The following LDLRAD3 variants were observed in gnomAD, a reference collection of about 807,000 sequenced individuals.
LDLRAD3 encodes low-density lipoprotein receptor class A domain-containing protein 3.
Under a neutral mutation model 29.4 loss-of-function variants are expected in LDLRAD3, and 20 were observed. The ratio of observed to expected loss-of-function variants is 0.68; its 90% CI spans 0.48 to 0.99. The LOEUF (loss-of-function observed/expected upper bound fraction) is 0.99, where lower values mean the gene tolerates loss of function less well. Ranked by LOEUF, LDLRAD3 falls within the 50% of genes least tolerant of loss-of-function variation. The pLI is 0.00. For missense variants in LDLRAD3, 420 were observed against 454.3 expected (o/e 0.92, Z 0.69); for synonymous variants, 157 against 192.7 (o/e 0.81, Z 1.53).
intron 2 of LDLRAD3, among the ~76,000 whole-genome samples, chr11:36,072,396 T>C (rs1223950136): frequency 6.6e-6 from 1 of 152,166 alleles, no homozygotes; most frequent in African/African-American, 2.4e-5. Context: ...CATGCTGAAG[T>C]TTCCATCATC....
chr11:36,163,365 C>T (rs934717970), intron 4 of LDLRAD3: 3 of 152,378 alleles, frequency 2.0e-5, no homozygotes, highest in Non-Finnish European at 4.4e-5. Context: ...ACCCATTCTT[C>T]TTAATACACA....
chr11:36,208,800 A>AT (rs1855245408), intron 4 of LDLRAD3, among the ~76,000 whole-genome samples: 3 of 152,242 alleles, frequency 2.0e-5, no homozygotes, highest in Non-Finnish European at 4.4e-5. Flanking sequence ...CAACACAGTA[A>AT]TATTTGCTGC....
chr11:35,986,573 G>T (rs1026149098), intron 1 of LDLRAD3, among the ~76,000 whole-genome samples: 14 of 152,210 alleles, frequency 9.2e-5, no homozygotes, highest in Admixed American at 8.5e-4. Context: ...CCTGCAGATT[G>T]GATGGCAGTA....
At chr11:36,188,232 G>T (rs35122223) in intron 4 of LDLRAD3, among the ~76,000 whole-genome samples, 6,014 of 152,006 alleles carry the variant, frequency 0.04, 398 homozygotes, top group African/African-American at 0.13. Flanking sequence ...GGGAGTAAAT[G>T]ATATGACTAC....
intron 4 of LDLRAD3, among the ~76,000 whole-genome samples, chr11:36,132,245 G>C (rs1360356466): frequency 6.6e-6 from 1 of 152,068 alleles, no homozygotes; most frequent in African/African-American, 2.4e-5. Context: ...AATAAAGGAG[G>C]CTGCATTAAG....
intron 2 of LDLRAD3, among the ~76,000 whole-genome samples, chr11:36,073,753 A>C (rs1003153244): frequency 6.6e-6 from 1 of 152,250 alleles, no homozygotes; most frequent in Non-Finnish European, 1.5e-5. Flanking sequence ...AAAAGGGTGC[A>C]AGGGCAGGGC....
At chr11:36,117,211 G>T (rs987875412) in intron 4 of LDLRAD3, among the ~76,000 whole-genome samples, 7 of 152,086 alleles carry the variant, frequency 4.6e-5, no homozygotes, top group Admixed American at 4.6e-4. Context: ...GGAAGGAAAA[G>T]GAGGAAGGAG....
intron 4 of LDLRAD3, among the ~76,000 whole-genome samples, chr11:36,187,650 T>C (rs1854872189): frequency 6.6e-6 from 1 of 152,200 alleles, no homozygotes; most frequent in Non-Finnish European, 1.5e-5. Flanking sequence ...TTATCCCTTC[T>C]CCGCAATAAA....
chr11:36,017,535 CTTT>C (rs60585852), intron 1 of LDLRAD3, among the ~76,000 whole-genome samples: 8,726 of 129,670 alleles, frequency 0.067, 472 homozygotes, highest in African/African-American at 0.17. Context: ...ATTTTATCAT[CTTT>C]TTTTTTTTTT....
chr11:35,998,558 C>T (rs1272251798), intron 1 of LDLRAD3, among the ~76,000 whole-genome samples: 1 of 152,118 alleles, frequency 6.6e-6, no homozygotes, highest in East Asian at 1.9e-4. Flanking sequence ...AAAAAACAGT[C>T]CTAGAATGAA....
intron 1 of LDLRAD3, among the ~76,000 whole-genome samples, chr11:35,958,686 C>T (rs1413575939): frequency 4.6e-5 from 7 of 152,158 alleles, no homozygotes; most frequent in Non-Finnish European, 1.0e-4. Context: ...CTTCCAATTT[C>T]TTCAGTCCAC....
chr11:36,091,078 G>C (rs1025285075), intron 3 of LDLRAD3, among the ~76,000 whole-genome samples: 10 of 152,208 alleles, frequency 6.6e-5, no homozygotes, highest in African/African-American at 2.2e-4. Context: ...CTCTAGAAGA[G>C]AAGTCTCAGT....
intron 4 of LDLRAD3, among the ~76,000 whole-genome samples, chr11:36,169,938 T>C (rs1352332600): frequency 6.6e-6 from 1 of 152,178 alleles, no homozygotes; most frequent in East Asian, 1.9e-4. Flanking sequence ...TCTTTAGCGG[T>C]AATTTCTGAA....
In LDLRAD3 at chr11:36,229,353, G is replaced by GA. The variant is rs1565320332; in HGVS notation, c.995dup (p.Pro333AlafsTer5). ...GCCTGGCCCCCAGGAGGGCACTGCTGAGCCCAGGGACTCTGAGCCCAGCCA... is the reference window on the plus strand; with the variant it reads ...GCCTGGCCCCCAGGAGGGCACTGCTGAAGCCCAGGGACTCTGAGCCCAGCCA... On this transcript the variant is annotated frameshift_variant, in exon 6 of 6. Coordinates refer to ENST00000315571, the MANE Select transcript of LDLRAD3 (RefSeq NM_174902.4). LOFTEE classifies it high-confidence loss of function. 5.6e-6 allele frequency: 9 copies of GA among 1,613,890 alleles called. No homozygotes were observed. The highest frequency in any genetic ancestry group is 7.6e-6 in the Non-Finnish European group (9 of 1,179,988).
chr11:36,019,143 A>G (rs1473710042), intron 1 of LDLRAD3, among the ~76,000 whole-genome samples: 1 of 152,130 alleles, frequency 6.6e-6, no homozygotes, highest in Admixed American at 6.5e-5. Context: ...TAAATGCATT[A>G]TCATTTGTGC....
At chr11:35,961,180 AG>A (rs1851273451) in intron 1 of LDLRAD3, among the ~76,000 whole-genome samples, 2 of 152,226 alleles carry the variant, frequency 1.3e-5, no homozygotes, top group East Asian at 3.8e-4. Context: ...TATAGAAGGC[AG>A]TGAGCGTCAG....
At position 36,227,450 on chromosome 11, in the gene LDLRAD3, G is replaced by A. The variant is rs777591884; in HGVS notation, c.800+20G>A. 3 of 1,511,070 alleles carry A rather than the reference G, an allele frequency of 2.0e-6. No homozygotes were observed. The highest frequency in any genetic ancestry group is 4.2e-5 in the Admixed American group (2 of 48,164). 93.6% of individuals were successfully genotyped at this position (1,511,070 alleles called of 1,614,324 possible). ...CCAGAGGTGTGTGCTGGATGGAAGAGATTGAGGCGGGAGAGGTCATCCATT... is the reference window on the plus strand; with the variant it reads ...CCAGAGGTGTGTGCTGGATGGAAGAAATTGAGGCGGGAGAGGTCATCCATT... On this transcript the variant is annotated intron_variant, in intron 5 of 5. Transcript: ENST00000315571.
intron 2 of LDLRAD3, among the ~76,000 whole-genome samples, chr11:36,053,277 G>A (rs1246918613): frequency 6.6e-6 from 1 of 151,842 alleles, no homozygotes; most frequent in East Asian, 1.9e-4. Flanking sequence ...TGACATCTGT[G>A]ATTCCAAAGA....
chr11:36,026,518 G>A (rs1337972669), intron 1 of LDLRAD3, among the ~76,000 whole-genome samples: 3 of 152,120 alleles, frequency 2.0e-5, no homozygotes. Flanking sequence ...AGACCTACTG[G>A]GCCACATTCC....
Sources: allele counts gnomAD v4.1 joint callset (sites outside exome capture counted in the v4.1 genomes callset), GRCh38; gene constraint gnomAD v4.1.1; transcripts MANE v1.5; gene names NCBI Gene and HGNC (gene_info 2026-07-23, HGNC 2026-07-21).